KAT14: variants seen among roughly 807,000 people sequenced by gnomAD.
KAT14 encodes the protein cysteine-rich protein 2-binding protein.
Under a neutral mutation model 78.4 loss-of-function variants are expected in KAT14, and 66 were observed. The ratio of observed to expected loss-of-function variants is 0.84; its 90% confidence interval spans 0.69 to 1.03. KAT14 has a LOEUF of 1.03. Ranked by LOEUF, KAT14 falls within the 50% of genes least tolerant of loss-of-function variation. KAT14 has a pLI of 0.00. For synonymous variants in KAT14, 344 were observed against 359.4 expected (o/e 0.96, Z 0.48); for missense variants, 870 against 972.5 (o/e 0.89, Z 1.40).
At position 18,137,937 on chromosome 20, in the gene KAT14, C is replaced by T. The variant is rs1334131867; in HGVS notation, c.-568C>T. Reference sequence around the variant, plus strand: ...CCTCGGGCGGGCGGGAGAGAGAGGCCGCGGCCGCCAGCGTGGGGATGTCTA... The same window carrying T: ...CCTCGGGCGGGCGGGAGAGAGAGGCTGCGGCCGCCAGCGTGGGGATGTCTA... On this transcript the variant is annotated 5_prime_UTR_variant, in exon 1 of 11. Coordinates refer to ENST00000688188, the MANE Select transcript of KAT14 (RefSeq NM_001392073.1). 6.8e-6 allele frequency: 10 copies of T among 1,478,144 alleles called. No homozygotes were observed. The highest frequency in any genetic ancestry group is 1.5e-5 in the African/African-American group (1 of 68,136). The allele number at this position is 1,478,144 out of a possible 1,614,324, so 91.6% of individuals were successfully genotyped here.
chr20:18,166,196 A>C (rs1321920753), intron 7 of KAT14, among the ~76,000 whole-genome samples: 3 of 152,236 alleles, frequency 2.0e-5, no homozygotes, highest in Admixed American at 6.5e-5. Context: ...ACACTTGAAC[A>C]CAGGAAAAGC....
chr20:18,187,466 T>C lies in KAT14; in HGVS notation c.*7T>C. 1.9e-6 allele frequency: 3 copies of C among 1,613,912 alleles called. No individual in the cohort carries two copies. Among genetic ancestry groups the C allele is most frequent in the Non-Finnish European group, 2.5e-6 (3 of 1,179,950 alleles). On this transcript the variant is annotated 3_prime_UTR_variant, in exon 11 of 11. Coordinates refer to ENST00000688188, the MANE Select transcript of KAT14 (RefSeq NM_001392073.1). Reference sequence around the variant, plus strand: ...TCTGAGGCTCCGGCGCTGATGCGAATACAGCTCACAGAGAAACGCATGTGC... The same window carrying C: ...TCTGAGGCTCCGGCGCTGATGCGAACACAGCTCACAGAGAAACGCATGTGC...
At chr20:18,177,188 G>A (rs6045234) in intron 7 of KAT14, among the ~76,000 whole-genome samples, 21 of 152,262 alleles carry the variant, frequency 1.4e-4, no homozygotes, top group African/African-American at 4.8e-4. Context: ...GTGGGCTGAA[G>A]GCTGGGTTCA....
chr20:18,171,527 C>T (rs1423531847), intron 7 of KAT14, among the ~76,000 whole-genome samples: 2 of 152,212 alleles, frequency 1.3e-5, no homozygotes, highest in Non-Finnish European at 2.9e-5. Context: ...AACAGCATCA[C>T]ATGGCCAGGC....
At chr20:18,182,806 C>G (rs753662030) in intron 8 of KAT14, among the ~76,000 whole-genome samples, 4 of 152,152 alleles carry the variant, frequency 2.6e-5, no homozygotes, top group Non-Finnish European at 5.9e-5. Flanking sequence ...CTCTTCTGGC[C>G]TCCAAGGCAC....
intron 4 of KAT14, among the ~76,000 whole-genome samples, chr20:18,158,124 C>T (rs965816429): frequency 2.0e-5 from 3 of 152,124 alleles, no homozygotes; most frequent in African/African-American, 4.8e-5. Flanking sequence ...TTAGTAGAGA[C>T]GGGGTTTCAC....
intron 7 of KAT14, among the ~76,000 whole-genome samples, chr20:18,176,904 A>G (rs1600237548): frequency 6.6e-6 from 1 of 152,246 alleles, no homozygotes; most frequent in South Asian, 2.1e-4. Context: ...CAGAGAGACC[A>G]ATGGGAGGCA....
At chr20:18,173,718 T>G in intron 7 of KAT14, among the ~76,000 whole-genome samples, 1 of 152,122 alleles carries the variant, frequency 6.6e-6, no homozygotes. Context: ...TCAGTGATCA[T>G]GTGTTTAATA....
intron 7 of KAT14, among the ~76,000 whole-genome samples, chr20:18,177,128 C>G (rs1243645536): frequency 2.0e-5 from 3 of 152,112 alleles, no homozygotes; most frequent in Non-Finnish European, 2.9e-5. Flanking sequence ...ATCCCTGTAT[C>G]TTTTTTCTGA....
intron 7 of KAT14, among the ~76,000 whole-genome samples, chr20:18,168,529 A>C (rs1318007469): frequency 6.6e-6 from 1 of 150,508 alleles, no homozygotes; most frequent in East Asian, 1.9e-4. Flanking sequence ...CTCTCTCTCA[A>C]AAAAAAAAAA....
chr20:18,154,937 G>A (rs2146395651), intron 4 of KAT14, among the ~76,000 whole-genome samples: 1 of 152,242 alleles, frequency 6.6e-6, no homozygotes, highest in South Asian at 2.1e-4. Context: ...CAGATTAAAT[G>A]AACAAATACT....
chr20:18,182,656 C>T (rs535583806), intron 8 of KAT14, among the ~76,000 whole-genome samples: 24 of 152,278 alleles, frequency 1.6e-4, no homozygotes, highest in African/African-American at 5.1e-4. Context: ...CTACAATTGC[C>T]CTGCAGCTCC....
rs2038464927 is a variant in KAT14 at position 18,162,405 on chromosome 20, C to G, written c.1128C>G (p.Val376=). Residue 376 remains valine (V), a synonymous_variant, in exon 7 of 11, where the codon GTC becomes GTG. Transcript: ENST00000688188. The part of the protein sequence containing the change: ...HDDDEMEGDG[V]IDPGMEYVPP... ...ACGATGAGATGGAAGGCGATGGAGTCATAGACCCAGGGATGGAGTACGTCC... is the reference window on the plus strand; with the variant it reads ...ACGATGAGATGGAAGGCGATGGAGTGATAGACCCAGGGATGGAGTACGTCC... 1.2e-6 allele frequency: 2 copies of G among 1,613,504 alleles called. No individual in the cohort carries two copies. Among genetic ancestry groups the G allele is most frequent in the Admixed American group, 3.3e-5 (2 of 59,960 alleles).
rs190959335 is a variant in KAT14 at position 18,152,743 on chromosome 20, C to G, written c.500+1801C>G. 6.6e-4 allele frequency among the ~76,000 whole-genome samples: 101 copies of G among 152,334 alleles called. 1 individual carries two copies. The highest frequency in any genetic ancestry group is 4.0e-4 in the Non-Finnish European group (27 of 68,036). On this transcript the variant is annotated intron_variant, in intron 4 of 10. Coordinates refer to ENST00000688188, the MANE Select transcript of KAT14 (RefSeq NM_001392073.1). ...TGTTTTTAACTCTGTAAAGTAGACA[C>G]TCTTTTTTATTTTTAACTATTTTTC...
At position 18,160,090 on chromosome 20, in the gene KAT14, G is replaced by A. The variant is rs572081234; in HGVS notation, c.682+825G>A. 7.2e-4 allele frequency among the ~76,000 whole-genome samples: 109 copies of A among 152,228 alleles called. No individual in the cohort carries two copies. In the South Asian group the frequency reaches 0.021, roughly 29 times the overall value. On this transcript the variant is annotated intron_variant, in intron 5 of 10. Coordinates refer to ENST00000688188, the MANE Select transcript of KAT14 (RefSeq NM_001392073.1). Reference sequence around the variant, plus strand: ...ATATTTTTGTATTTTTATTACAGACGGGGTTTTGCCATGTTGGCCAGGCTG... The same window carrying A: ...ATATTTTTGTATTTTTATTACAGACAGGGTTTTGCCATGTTGGCCAGGCTG...
rs182458185 is a variant in KAT14, at chr20:18,160,023, C to T, written c.682+758C>T. Among the ~76,000 whole-genome samples the T allele has an allele frequency of 5.8e-4, 89 of 152,286 alleles. 1 individual carries two copies. In the South Asian group the frequency reaches 6.4e-3, roughly 11 times the overall value. ...CTGCCTCCTAGGTTCAAATGATTCTCGTGCCTCAGCCTCCCAAATAACATG... is the reference window on the plus strand; with the variant it reads ...CTGCCTCCTAGGTTCAAATGATTCTTGTGCCTCAGCCTCCCAAATAACATG... On this transcript the variant is annotated intron_variant, in intron 5 of 10. Coordinates refer to ENST00000688188, the MANE Select transcript of KAT14 (RefSeq NM_001392073.1).
At chr20:18,175,009 C>T (rs1389016145) in intron 7 of KAT14, among the ~76,000 whole-genome samples, 1 of 151,526 alleles carries the variant, frequency 6.6e-6, no homozygotes, top group Non-Finnish European at 1.5e-5. Context: ...TTTTTTTTCC[C>T]CGTGAGCTCA....
At chr20:18,138,191 T>TTGCGGC (rs1189965929) in intron 1 of KAT14, 140 bp downstream of exon 1, 1 of 1,262,452 alleles carries the variant, frequency 7.9e-7, no homozygotes, top group African/African-American at 1.6e-5. Flanking sequence ...CCCCACGCGT[T>TTGCGGC]TGCGGCTGCG....
intron 7 of KAT14, among the ~76,000 whole-genome samples, chr20:18,172,624 A>G (rs1380506191): frequency 6.6e-6 from 1 of 152,170 alleles, no homozygotes; most frequent in Admixed American, 6.5e-5. Flanking sequence ...TTGCTTTATT[A>G]TGACATTCAC....
Sources: allele counts gnomAD v4.1 joint callset (sites outside exome capture counted in the v4.1 genomes callset), GRCh38; gene constraint gnomAD v4.1.1; transcripts MANE v1.5; gene names NCBI Gene and HGNC (gene_info 2026-07-23, HGNC 2026-07-21).